RSRP1: variants seen among roughly 807,000 people sequenced by gnomAD.
RSRP1 encodes arginine/serine-rich protein 1.
A neutral mutation model predicts 33.0 loss-of-function variants in RSRP1; 37 were observed. That is an observed-to-expected ratio of 1.12 (90% CI 0.86 to 1.48). The LOEUF is 1.48. Among genes scored for constraint, RSRP1 ranks in the 40% most tolerant of loss-of-function variants. The probability of loss-of-function intolerance (pLI) is 0.00; values close to 1 mark genes in which losing one functional copy is unlikely to be tolerated. For synonymous variants in RSRP1, 167 were observed against 158.7 expected, an observed-to-expected ratio of 1.05 and a Z score of -0.40; for missense variants, 402 against 385.3, an observed-to-expected ratio of 1.04 and a Z score of -0.36.
At chr1:25,334,742 G>A (rs1178662103) in intron 1 of RSRP1, among the ~76,000 whole-genome samples, 6 of 133,204 alleles carry the variant, frequency 4.5e-5, no homozygotes, top group African/African-American at 1.3e-4. Context: ...ACACCACATG[G>A]AAGCTGTCAA....
At position 25,246,712 on chromosome 1, in the gene RSRP1, G is replaced by A. The variant is rs758317506; in HGVS notation, c.252C>T (p.Ser84=). 8.1e-6 allele frequency: 13 copies of A among 1,607,662 alleles called. No individual in the cohort carries two copies. Among genetic ancestry groups the A allele is most frequent in the Non-Finnish European group, 1.1e-5 (13 of 1,175,488 alleles). ...YRRYSRSYSR[S]RSRSRSRRYR... is the part of the protein sequence containing the mutation. ...AACGGCGGCTGCGGGATCGCGACCG[G>A]CTCCGCGAGTATGACCGCGAGTAGC... Residue 84 remains serine (S), a synonymous_variant, in exon 2 of 5, where the codon AGC becomes AGT. Transcript: ENST00000243189.
rs1300092391 is a variant in RSRP1 at position 25,276,927 on chromosome 1, T to C, written c.-66-29898A>G. Among the ~76,000 whole-genome samples the C allele has an allele frequency of 1.5e-5, 2 of 129,278 alleles. 1 individual carries two copies. The highest frequency in any genetic ancestry group is 3.7e-5 in the Non-Finnish European group (2 of 54,724). 84.8% of individuals were successfully genotyped at this position (129,278 alleles called of 152,430 possible). A position where few individuals can be genotyped will look rare whatever the true frequency, so the allele number is the denominator to read the frequency against. ...CAAAAATACAAAAAAATTAGCCGGG[T>C]GTGGTGGCGGGTGCCTGTAGTCCCA... On this transcript the variant is annotated intron_variant, in intron 1 of 1. Coordinates refer to the RSRP1 transcript ENST00000561867.
At chr1:25,267,902 G>C (rs1351694571) in intron 1 of RSRP1, 2 of 132,214 alleles carry the variant, frequency 1.5e-5, no homozygotes, top group Non-Finnish European at 1.8e-5. Flanking sequence ...CCCAGCGCCC[G>C]GGCATGCGCA....
chr1:25,265,362 G>T lies in RSRP1; in HGVS notation c.-66-18333C>A, dbSNP rs1385654579. ...CAGGGACACAGTTGCAGTGGTTAGA[G>T]TAAGAAATGCTGCTGGCTGGCACTG... is the stretch of plus-strand genomic sequence containing the variant. On this transcript the variant is annotated intron_variant, in intron 1 of 1. Transcript: ENST00000561867. Among the ~76,000 whole-genome samples the T allele has an allele frequency of 3.5e-4, 13 of 36,746 alleles. 1 individual carries two copies. The highest frequency in any genetic ancestry group is 1.2e-3 in the African/African-American group (13 of 11,106). 24.1% of individuals were successfully genotyped at this position (36,746 alleles called of 152,430 possible).
chr1:25,268,068 A>C (rs796781343), intron 1 of RSRP1, among the ~76,000 whole-genome samples: 1 of 133,710 alleles, frequency 7.5e-6, no homozygotes, highest in African/African-American at 2.5e-5. Flanking sequence ...TGGGTCCGTG[A>C]TTGGCATTCC....
Position 25,280,221 on chromosome 1 carries a change from C to T in RSRP1, c.-66-33192G>A, listed in dbSNP as rs577843291. On this transcript the variant is annotated intron_variant, in intron 1 of 1. Transcript: ENST00000561867. ...GCCTTGGGGAGGAAGGCCCTGAGCG[C>T]GTATACCTGGAATCAGGGAATCGGG... Among the ~76,000 whole-genome samples the T allele has an allele frequency of 5.5e-5, 7 of 126,752 alleles. 1 individual carries two copies. Among genetic ancestry groups the T allele is most frequent in the Non-Finnish European group, 9.2e-5 (5 of 54,140 alleles). The allele number at this position is 126,752 out of a possible 152,430, so 83.2% of individuals were successfully genotyped here. A position where few individuals can be genotyped will look rare whatever the true frequency, so the allele number is the denominator to read the frequency against.
chr1:25,249,271 T>C (rs1352011567), upstream of RSRP1, among the ~76,000 whole-genome samples: 1 of 152,308 alleles, frequency 6.6e-6, no homozygotes, highest in East Asian at 1.9e-4. Flanking sequence ...TAGGAAAGGA[T>C]GGAACAAGTC....
At position 25,306,019 on chromosome 1, in the gene RSRP1, G is replaced by A. The variant is rs1643800244; in HGVS notation, c.-67+31959C>T. ...GTGTGGGAGGCTGAGTGATGGGGAG[G>A]AAGGATTACTGAGTAGGGATCTGAA... On this transcript the variant is annotated intron_variant, in intron 1 of 1. Transcript: ENST00000561867. Among the ~76,000 whole-genome samples, 3 of 131,816 alleles carry A rather than the reference G, an allele frequency of 2.3e-5. No individual in the cohort carries two copies. In the South Asian group the frequency reaches 6.9e-4, roughly 30 times the overall value. 86.5% of individuals were successfully genotyped at this position (131,816 alleles called of 152,430 possible).
intron 1 of RSRP1, 49 bp downstream of exon 1, chr1:25,247,260 G>A (rs1360167688): frequency 1.0e-5 from 4 of 387,290 alleles, no homozygotes; most frequent in African/African-American, 2.1e-5. Context: ...CCTCACTCCT[G>A]AGAGACCACT....
rs752715720 is a variant in RSRP1 at position 25,245,311 on chromosome 1, AAAG to A, written c.521-13_521-11del. 5.0e-6 allele frequency: 8 copies of A among 1,603,788 alleles called. No individual in the cohort carries two copies. The highest frequency in any genetic ancestry group is 3.4e-5 in the South Asian group (3 of 89,238). Reference sequence around the variant, plus strand: ...AACAGCTCCATTCGATCTAAAAAAAAAAGAGAGAGATTTTAAAATACTCATTAA... The same window carrying A: ...AACAGCTCCATTCGATCTAAAAAAAAAGAGAGATTTTAAAATACTCATTAA... On this transcript the variant is annotated splice_polypyrimidine_tract_variant and intron_variant, in intron 2 of 4. Transcript: ENST00000243189.
At chr1:25,260,839 C>T (rs1365175486) in intron 1 of RSRP1, among the ~76,000 whole-genome samples, 1 of 151,754 alleles carries the variant, frequency 6.6e-6, no homozygotes, top group African/African-American at 2.4e-5. Context: ...GCTCTATCGC[C>T]CAGGCTGGAG....
In RSRP1 at chr1:25,297,194, G is replaced by A. The variant is rs1196814200; in HGVS notation, c.-67+40784C>T. 1.1e-4 allele frequency among the ~76,000 whole-genome samples: 10 copies of A among 87,298 alleles called. 1 individual carries two copies. The highest frequency in any genetic ancestry group is 3.4e-4 in the African/African-American group (9 of 26,808). 57.3% of individuals were successfully genotyped at this position (87,298 alleles called of 152,430 possible). On this transcript the variant is annotated intron_variant, in intron 1 of 1. Coordinates refer to the RSRP1 transcript ENST00000561867. ...TGACCTTGACATGTTTTGAAGTTTCGAGCCAGTTCTTTTGTAGAATGTGGG... is the reference window on the plus strand; with the variant it reads ...TGACCTTGACATGTTTTGAAGTTTCAAGCCAGTTCTTTTGTAGAATGTGGG...
Position 25,276,882 on chromosome 1 carries a change from C to T in RSRP1, c.-66-29853G>A, listed in dbSNP as rs190742292. ...GAGATGGAGACCATCCTGGCTAACA[C>T]GATGAAACCCCATCTCTACCAAAAA... On this transcript the variant is annotated intron_variant, in intron 1 of 1. Transcript: ENST00000561867. 3.0e-3 allele frequency among the ~76,000 whole-genome samples: 399 copies of T among 131,254 alleles called. 53 individuals are homozygous for T. The highest frequency in any genetic ancestry group is 9.0e-3 in the African/African-American group (348 of 38,518). The allele number at this position is 131,254 out of a possible 152,430, so 86.1% of individuals were successfully genotyped here. A position where few individuals can be genotyped will look rare whatever the true frequency, so the allele number is the denominator to read the frequency against.
At chr1:25,303,985 A>G (rs1157008873) in intron 1 of RSRP1, among the ~76,000 whole-genome samples, 2 of 85,060 alleles carry the variant, frequency 2.4e-5, no homozygotes, top group Admixed American at 1.1e-4. Flanking sequence ...CACATCGTGC[A>G]TATGTGGCTG....
In RSRP1 at chr1:25,292,543, C is replaced by A. The variant is rs1219269155; in HGVS notation, c.-67+45435G>T. Among the ~76,000 whole-genome samples, 3 of 130,406 alleles carry A rather than the reference C, an allele frequency of 2.3e-5. 1 individual carries two copies. Among genetic ancestry groups the A allele is most frequent in the South Asian group, 4.8e-4 (2 of 4,180 alleles). The allele number at this position is 130,406 out of a possible 152,430, so 85.6% of individuals were successfully genotyped here. On this transcript the variant is annotated intron_variant, in intron 1 of 1. Coordinates refer to the RSRP1 transcript ENST00000561867. ...AAGGTTCTCATCTGGCACAACTCAG[C>A]GGCTGCTGGTGCCATTTACTGAGAT... is the stretch of plus-strand genomic sequence containing the variant.
chr1:25,245,181 AT>A lies in RSRP1; in HGVS notation c.640del (p.Ile214Ter). ...VPSAKETSRG[I>X]GVSSNGAKPE... is the part of the protein sequence containing the mutation. The stretch of plus-strand genomic sequence containing the variant: ...CTTTGCACCATTACTTGATACACCT[AT>A]TCCACGGCTTGTTTCTTTGGCTGAA... On this transcript the variant is annotated frameshift_variant, in exon 3 of 5. Coordinates refer to ENST00000243189, the MANE Select transcript of RSRP1 (RefSeq NM_020317.5). LOFTEE classifies it high-confidence loss of function. 2 of 1,614,134 alleles carry A rather than the reference AT, an allele frequency of 1.2e-6. No homozygotes were observed. The highest frequency in any genetic ancestry group is 1.7e-6 in the Non-Finnish European group (2 of 1,180,022).
chr1:25,286,643 G>A (rs540714548), intron 1 of RSRP1, among the ~76,000 whole-genome samples: 11 of 133,108 alleles, frequency 8.3e-5, no homozygotes, highest in East Asian at 3.9e-4. Context: ...AAAATTAGCC[G>A]GGCGTGGTGG....
upstream of RSRP1, chr1:25,248,082 G>C (rs912767106): frequency 6.6e-6 from 1 of 152,304 alleles, no homozygotes; most frequent in Admixed American, 6.5e-5. Context: ...AAGACCCCTG[G>C]AAATGCAGTA....
chr1:25,286,861 A>G (rs183176447), intron 1 of RSRP1, among the ~76,000 whole-genome samples: 1 of 134,518 alleles, frequency 7.4e-6, no homozygotes, highest in Admixed American at 7.2e-5. Flanking sequence ...TAGGAGGCCT[A>G]GCAGGTGGAT....
Sources: allele counts gnomAD v4.1 joint callset (sites outside exome capture counted in the v4.1 genomes callset), GRCh38; gene constraint gnomAD v4.1.1; transcripts MANE v1.5; gene names NCBI Gene and HGNC (gene_info 2026-07-23, HGNC 2026-07-21).